The following EEF2 variants were observed in gnomAD, a reference collection of about 807,000 sequenced individuals.
EEF2 encodes the protein eukaryotic translation elongation factor 2.
A neutral mutation model predicts 85.3 loss-of-function variants in EEF2; 21 were observed. That is an observed-to-expected ratio of 0.25 (90% CI 0.17 to 0.35). The LOEUF is 0.35. Among genes scored for constraint, EEF2 ranks in the 10% least tolerant of loss-of-function variants. The probability of loss-of-function intolerance (pLI) is 1.00; values close to 1 mark genes in which losing one functional copy is unlikely to be tolerated. For missense variants in EEF2, 825 were observed against 1,225.3 expected (o/e 0.67, Z 4.88); for synonymous variants, 723 against 508.8 (o/e 1.42, Z -5.67).
chr19:3,977,219 G>A lies in EEF2; in HGVS notation c.2379C>T (p.Ser793=), dbSNP rs151205847. The stretch of plus-strand genomic sequence containing the variant: ...CCACACCGGGCAGGCACTCACCAAA[G>A]GACTCGTTGACGGGCAGATAGGCCT... ...VVKAYLPVNE[S]FGFTADLRSN... Residue 793 remains serine, a synonymous_variant, in exon 14 of 15, where the codon TCC becomes TCT. Transcript: ENST00000309311. This position sits in a 1 kb window ranked among gnomAD's most constrained non-coding sequence, Gnocchi z 5.4. The A allele has an allele frequency of 5.5e-4, 894 of 1,613,460 alleles. 4 individuals are homozygous for A. The African/African-American group carries it at 0.011, about 19-fold the overall frequency.
rs777580348 is a variant in EEF2 at position 3,977,789 on chromosome 19, G to A, written c.2067+30C>T. ...GTCCCTCTAGAGCCTGGAAACGGGTGTGGTCTGCACATGCTGAGCCGTGCC... is the reference window on the plus strand; with the variant it reads ...GTCCCTCTAGAGCCTGGAAACGGGTATGGTCTGCACATGCTGAGCCGTGCC... On this transcript the variant is annotated intron_variant, in intron 12 of 14. Transcript: ENST00000309311. The surrounding 1 kb of genome is among the most constrained non-coding windows in gnomAD (Gnocchi z 5.4). 7.9e-5 allele frequency: 122 copies of A among 1,540,790 alleles called. No individual in the cohort carries two copies. Among genetic ancestry groups the A allele is most frequent in the Non-Finnish European group, 1.1e-4 (120 of 1,140,424 alleles).
chr19:3,983,449 A>G (rs2039780491), intron 2 of EEF2, among the ~76,000 whole-genome samples, 158 bp from the exon 3 acceptor site: 1 of 151,898 alleles, frequency 6.6e-6, no homozygotes, highest in Non-Finnish European at 1.5e-5. Context: ...CCTCTGTCCG[A>G]GACATGCCAC....
intron 6 of EEF2, 140 bp from the exon 7 acceptor site, chr19:3,981,592 G>C: frequency 1.3e-6 from 1 of 799,184 alleles, no homozygotes; most frequent in East Asian, 2.5e-5. Flanking sequence ...TGCCTACCAC[G>C]GGCCCAGCCA....
At position 3,985,415 on chromosome 19, in the gene EEF2, C is replaced by A; in HGVS notation, c.-35G>T. On this transcript the variant is annotated 5_prime_UTR_variant, in exon 1 of 15. Transcript: ENST00000309311. ...TGGCGGTGGATTCTCCCAGGTAGAA[C>A]CGAAAGAAGCGAGTCGCGCCGAGGA... 4.0e-6 allele frequency: 6 copies of A among 1,485,196 alleles called. No homozygotes were observed. Among genetic ancestry groups the A allele is most frequent in the Non-Finnish European group, 5.4e-6 (6 of 1,111,238 alleles). The allele number at this position is 1,485,196 out of a possible 1,614,324, so 92.0% of individuals were successfully genotyped here.
rs1204588753 is a variant in EEF2, at chr19:3,976,330, CCTA to C, written c.*221_*223del. The C allele has an allele frequency of 6.8e-6, 3 of 440,242 alleles. No homozygotes were observed. In the South Asian group the frequency reaches 7.2e-5, roughly 11 times the overall value. The allele number at this position is 440,242 out of a possible 1,614,324, so 27.3% of individuals were successfully genotyped here. On this transcript the variant is annotated 3_prime_UTR_variant, in exon 15 of 15. Transcript: ENST00000309311. ...CCCTCCCCGACCGGCCCATTAAGTC[CCTA>C]CTAAGAGGGCGTGTCTGCTGCCTCC...
In EEF2 at chr19:3,984,362, A is replaced by AAGG. The variant is rs1350385276; in HGVS notation, c.4-15_4-13dup. The AAGG allele has an allele frequency of 6.2e-7, 1 of 1,613,048 alleles. No homozygotes were observed. The highest frequency in any genetic ancestry group is 1.1e-5 in the South Asian group (1 of 91,078). On this transcript the variant is annotated splice_polypyrimidine_tract_variant and intron_variant, in intron 1 of 14. Transcript: ENST00000309311. ...ACCGTGAAGTTCACCTGGGCAAGAC[A>AAGG]AGGAGGCTCAGACCAGCTCGTGATT...
intron 11 of EEF2, 126 bp downstream of exon 11, chr19:3,979,203 T>C (rs554561565): frequency 1.4e-6 from 1 of 692,516 alleles, no homozygotes; most frequent in Non-Finnish European, 2.5e-6. Context: ...CTTGAGGAAC[T>C]TAAGAAGCTG....
rs2039694416 is a variant in EEF2, at chr19:3,977,663, C to T, written c.2068-53G>A. 2.8e-5 allele frequency: 42 copies of T among 1,475,800 alleles called. No individual in the cohort carries two copies. Among genetic ancestry groups the T allele is most frequent in the Non-Finnish European group, 3.5e-5 (39 of 1,119,360 alleles). The allele number at this position is 1,475,800 out of a possible 1,614,324, so 91.4% of individuals were successfully genotyped here. The stretch of plus-strand genomic sequence containing the variant: ...GGGCCGGACACACCTCGGCTGCTTG[C>T]CCTCCACCTGCCAAGTCCTGCAGGT... On this transcript the variant is annotated intron_variant, in intron 12 of 14. Coordinates refer to ENST00000309311, the MANE Select transcript of EEF2 (RefSeq NM_001961.4). The surrounding 1 kb of genome is among the most constrained non-coding windows in gnomAD (Gnocchi z 5.4).
At chr19:3,978,648 G>C (rs1201230843) in intron 11 of EEF2, among the ~76,000 whole-genome samples, 1 of 148,188 alleles carries the variant, frequency 6.7e-6, no homozygotes, top group African/African-American at 2.5e-5. Context: ...TACTAAAAAT[G>C]CAAAAAATTA....
Position 3,977,781 on chromosome 19 carries a change from A to T in EEF2, c.2067+38T>A, listed in dbSNP as rs748229680. ...ACCATGAGGTCCCTCTAGAGCCTGG[A>T]AACGGGTGTGGTCTGCACATGCTGA... On this transcript the variant is annotated intron_variant, in intron 12 of 14. Transcript: ENST00000309311. The surrounding 1 kb of genome is among the most constrained non-coding windows in gnomAD (Gnocchi z 5.4). 3.3e-6 allele frequency: 5 copies of T among 1,531,592 alleles called. No homozygotes were observed. In the South Asian group the frequency reaches 6.3e-5, roughly 19 times the overall value. The allele number at this position is 1,531,592 out of a possible 1,614,324, so 94.9% of individuals were successfully genotyped here. A position where few individuals can be genotyped will look rare whatever the true frequency, so the allele number is the denominator to read the frequency against.
intron 2 of EEF2, 140 bp from the exon 3 acceptor site, chr19:3,983,431 G>A (rs754089455): frequency 6.3e-5 from 57 of 905,082 alleles, no homozygotes; most frequent in Non-Finnish European, 8.0e-5. Context: ...ACCCACCCTT[G>A]TCCTTTGCCT....
chr19:3,984,264 A>G lies in EEF2; in HGVS notation c.90T>C (p.His30=), dbSNP rs957381279. ...GGGAGTCTGTCAGCGTGGACTTGCC[A>G]TGGTCCACGTGGGCGATGACAGACA... The part of the protein sequence containing the change: ...RNMSVIAHVD[H]GKSTLTDSLV... Residue 30 remains histidine (H), a synonymous_variant, in exon 2 of 15, where the codon CAT becomes CAC. Transcript: ENST00000309311. 4.3e-6 allele frequency: 7 copies of G among 1,614,156 alleles called. No homozygotes were observed. The highest frequency in any genetic ancestry group is 5.9e-6 in the Non-Finnish European group (7 of 1,180,020).
rs1238723900 is a variant in EEF2, at chr19:3,977,538, T to C, written c.2140A>G (p.Ile714Val). The C allele has an allele frequency of 6.3e-7, 1 of 1,588,860 alleles. No individual in the cohort carries two copies. Among genetic ancestry groups the C allele is most frequent in the Non-Finnish European group, 8.5e-7 (1 of 1,173,066 alleles). Residue 714 changes from isoleucine to valine, a missense_variant, in exon 13 of 15, where the codon ATC (isoleucine) becomes GTC (valine). Coordinates refer to ENST00000309311, the MANE Select transcript of EEF2 (RefSeq NM_001961.4). This position sits in a 1 kb window ranked among gnomAD's most constrained non-coding sequence, Gnocchi z 5.4. ...ATGATCTGGCCCCCTCCGCGGTGGA[T>C]GGCGTCGGCGTGCAGGGTGACGTCG... ...VHDVTLHADA[I>V]HRGGGQIIPT...
chr19:3,980,225 G>A (rs2039728006), intron 9 of EEF2, among the ~76,000 whole-genome samples, 159 bp from the exon 10 acceptor site: 2 of 152,226 alleles, frequency 1.3e-5, no homozygotes, highest in African/African-American at 4.8e-5. Flanking sequence ...GGGCTGTCAG[G>A]AAACATCCTC....
intron 1 of EEF2, 145 bp downstream of exon 1, chr19:3,985,233 C>A: frequency 1.1e-6 from 1 of 916,628 alleles, no homozygotes. Context: ...TGGCGGCGGC[C>A]GCTTCCCCAG....
At position 3,984,942 on chromosome 19, in the gene EEF2, G is replaced by A. The variant is rs1599199731; in HGVS notation, c.3+436C>T. The stretch of plus-strand genomic sequence containing the variant: ...AGCATCAGGAGAAGGTATTTGGAAG[G>A]AAAAGGGGAGCCTTTCAGGTGTCGC... On this transcript the variant is annotated intron_variant, in intron 1 of 14. Coordinates refer to ENST00000309311, the MANE Select transcript of EEF2 (RefSeq NM_001961.4). 7 of 193,680 alleles carry A rather than the reference G, an allele frequency of 3.6e-5. No homozygotes were observed. In the East Asian group the frequency reaches 8.6e-4, roughly 24 times the overall value. The allele number at this position is 193,680 out of a possible 1,614,324, so 12.0% of individuals were successfully genotyped here.
In EEF2 at chr19:3,978,104, C is replaced by T. The variant is rs1470071932; in HGVS notation, c.1782G>A (p.Lys594=). The change falls in exon 12 of 15, where the codon AAG becomes AAA. Residue 594 remains lysine (K), a synonymous_variant. Coordinates refer to ENST00000309311, the MANE Select transcript of EEF2 (RefSeq NM_001961.4). The part of the protein sequence containing the change: ...SEESNVLCLS[K]SPNKHNRLYM... ...ACAGCCGGTTGTGCTTGTTGGGGGA[C>T]TTGGAGAGGCAGAGCACGTTCGACT... 13 of 1,526,564 alleles carry T rather than the reference C, an allele frequency of 8.5e-6. No homozygotes were observed. The highest frequency in any genetic ancestry group is 1.2e-5 in the Non-Finnish European group (13 of 1,129,056). 94.6% of individuals were successfully genotyped at this position (1,526,564 alleles called of 1,614,324 possible). A position where few individuals can be genotyped will look rare whatever the true frequency, so the allele number is the denominator to read the frequency against.
chr19:3,985,282 CT>C, intron 1 of EEF2, 95 bp downstream of exon 1: 1 of 1,288,728 alleles, frequency 7.8e-7, no homozygotes, highest in Non-Finnish European at 1.0e-6. Context: ...ACGTCTCCTC[CT>C]GGCACGGGGG....
Position 3,983,090 on chromosome 19 carries a change from C to T in EEF2, c.400+20G>A. ...TGGCCCCCGGTTCCAGGCCGTGCCT[C>T]AGGGGGACCCACTGCTTACCTGACA... On this transcript the variant is annotated intron_variant, in intron 3 of 14. Coordinates refer to ENST00000309311, the MANE Select transcript of EEF2 (RefSeq NM_001961.4). 3 of 1,612,496 alleles carry T rather than the reference C, an allele frequency of 1.9e-6. No individual in the cohort carries two copies. The highest frequency in any genetic ancestry group is 2.5e-6 in the Non-Finnish European group (3 of 1,178,746).
Sources: gnomAD v4.1 joint callset for allele counts (sites outside exome capture counted in the v4.1 genomes callset) on GRCh38, gnomAD v4.1.1 for gene constraint, Gnocchi (gnomAD v3.1) non-coding constraint, MANE v1.5 for transcripts, NCBI Gene and HGNC (gene_info 2026-07-23, HGNC 2026-07-21) for gene names.